Variants in TP63 observed in about 807,000 individuals in gnomAD.
TP63 encodes tumor protein p63.
In TP63, 17 loss-of-function variants were observed where a neutral mutation model predicts 82.8. The ratio of observed to expected loss-of-function variants is 0.21; its 90% CI spans 0.14 to 0.31. TP63 has a LOEUF of 0.31. Ranked by LOEUF, TP63 falls within the 10% of genes least tolerant of loss-of-function variation. The pLI is 1.00. For synonymous variants in TP63, 330 were observed against 321.7 expected (o/e 1.03, Z -0.28); for missense variants, 648 against 895.3 (o/e 0.72, Z 3.52).
At chr3:189,797,152 C>A (rs1035918383) in intron 3 of TP63, among the ~76,000 whole-genome samples, 7 of 152,016 alleles carry the variant, frequency 4.6e-5, no homozygotes, top group Non-Finnish European at 1.0e-4. Flanking sequence ...TCTTAAATGG[C>A]AAAAAGATTT....
At chr3:189,881,583 G>A (rs1325534586) in intron 10 of TP63, 1 of 910,546 alleles carries the variant, frequency 1.1e-6, no homozygotes, top group African/African-American at 1.8e-5. Context: ...AGTAGCATGT[G>A]TAGGTCTAAG....
upstream of TP63, among the ~76,000 whole-genome samples, chr3:189,630,222 G>A (rs1329429924): frequency 6.6e-6 from 1 of 152,116 alleles, no homozygotes; most frequent in Non-Finnish European, 1.5e-5. Context: ...CCTATTTACA[G>A]GTGTGTCCTG....
intron 1 of TP63, among the ~76,000 whole-genome samples, chr3:189,659,787 A>G (rs1243809137): frequency 6.6e-6 from 1 of 151,800 alleles, no homozygotes; most frequent in African/African-American, 2.4e-5. Flanking sequence ...TTTGACTTGC[A>G]TTTTCCTGAT....
chr3:189,767,671 G>T (rs1326083935), intron 3 of TP63, among the ~76,000 whole-genome samples: 1 of 152,162 alleles, frequency 6.6e-6, no homozygotes, highest in Non-Finnish European at 1.5e-5. Flanking sequence ...TTGGAAAACC[G>T]TGAGTCTCAA....
intron 1 of TP63, among the ~76,000 whole-genome samples, chr3:189,665,684 C>A (rs992421437): frequency 1.3e-5 from 2 of 152,040 alleles, no homozygotes; most frequent in African/African-American, 4.8e-5. Context: ...AAAATATATT[C>A]TTTAAAGCCA....
intron 3 of TP63, among the ~76,000 whole-genome samples, chr3:189,785,570 A>G (rs528233486): frequency 3.3e-5 from 5 of 152,212 alleles, no homozygotes; most frequent in Admixed American, 3.3e-4. Flanking sequence ...AAGTATTTGA[A>G]TATATCGGGA....
chr3:189,663,767 A>G (rs1199657952), intron 1 of TP63, among the ~76,000 whole-genome samples: 1 of 151,882 alleles, frequency 6.6e-6, no homozygotes, highest in East Asian at 1.9e-4. Flanking sequence ...ACCTCAAGTG[A>G]TCCTCCCACC....
At chr3:189,673,926 GTTA>G (rs1160190337) in intron 1 of TP63, among the ~76,000 whole-genome samples, 2 of 151,698 alleles carry the variant, frequency 1.3e-5, no homozygotes, top group South Asian at 2.1e-4. Context: ...TTTTATTATT[GTTA>G]TTATGAATAA....
At chr3:189,645,659 C>T (rs1432296326) in intron 1 of TP63, among the ~76,000 whole-genome samples, 3 of 147,726 alleles carry the variant, frequency 2.0e-5, no homozygotes, top group African/African-American at 7.6e-5. Context: ...CTCCCCACTC[C>T]CCCACCCCAC....
At chr3:189,878,522 G>A (rs1719507775) in intron 10 of TP63, among the ~76,000 whole-genome samples, 1 of 149,410 alleles carries the variant, frequency 6.7e-6, no homozygotes, top group Non-Finnish European at 1.5e-5. Flanking sequence ...CTGCGTAGCT[G>A]GGATTACAGA....
chr3:189,814,462 TATC>T (rs1362096216), intron 4 of TP63, among the ~76,000 whole-genome samples: 1 of 152,204 alleles, frequency 6.6e-6, no homozygotes, highest in Non-Finnish European at 1.5e-5. Flanking sequence ...TGTTCGTGTT[TATC>T]ATAACAAGAT....
intron 3 of TP63, among the ~76,000 whole-genome samples, chr3:189,796,714 G>A (rs1436881799): frequency 6.6e-6 from 1 of 151,998 alleles, no homozygotes; most frequent in Non-Finnish European, 1.5e-5. Flanking sequence ...CTTTTCAAAA[G>A]TCTTACTTTA....
the TP63 span, among the ~76,000 whole-genome samples, chr3:189,604,120 A>G: frequency 6.6e-6 from 1 of 152,220 alleles, no homozygotes; most frequent in African/African-American, 2.4e-5. Flanking sequence ...CGTTGAAGTC[A>G]GACAATTCTG....
chr3:189,889,600 G>T (rs1720813305), intron 12 of TP63, 116 bp downstream of exon 12: 2 of 1,412,702 alleles, frequency 1.4e-6, no homozygotes, highest in Admixed American at 3.5e-5. Context: ...TCCTGTGGTT[G>T]GAGTTCAGTC....
chr3:189,654,041 A>T (rs1343883335), intron 1 of TP63, among the ~76,000 whole-genome samples: 1 of 152,154 alleles, frequency 6.6e-6, no homozygotes, highest in African/African-American at 2.4e-5. Context: ...CTCTCTCTTC[A>T]TGCATTTATG....
At chr3:189,879,177 C>T (rs780836221) in intron 10 of TP63, among the ~76,000 whole-genome samples, 3 of 152,076 alleles carry the variant, frequency 2.0e-5, no homozygotes, top group East Asian at 1.9e-4. Context: ...CAATTCTTGC[C>T]GGTGACATGG....
intron 1 of TP63, among the ~76,000 whole-genome samples, chr3:189,638,979 C>T (rs1024820623): frequency 1.3e-5 from 2 of 152,088 alleles, no homozygotes; most frequent in African/African-American, 4.8e-5. Flanking sequence ...GATGCATGCT[C>T]CCAAAGAAAG....
In TP63 at chr3:189,793,286, G is replaced by T. The variant is rs570591160; in HGVS notation, c.325-14986G>T. ...TACCTCGATAAGGAAAACCGTGTTT[G>T]GTTTGGTTTGCTTTTTAGAAGAGCA... On this transcript the variant is annotated intron_variant, in intron 3 of 13. Coordinates refer to ENST00000264731, the MANE Select transcript of TP63 (RefSeq NM_003722.5). Among the ~76,000 whole-genome samples the T allele has an allele frequency of 3.3e-5, 5 of 152,164 alleles. No individual in the cohort carries two copies. The East Asian group carries it at 5.8e-4, about 18-fold the overall frequency.
At chr3:189,689,591 G>A (rs16864723) in intron 1 of TP63, among the ~76,000 whole-genome samples, 53,291 of 151,862 alleles carry the variant, frequency 0.35, 10,284 homozygotes, top group African/African-American at 0.53. Context: ...TTGGGAGTGT[G>A]CCAAAATTGT....
Sources: gnomAD v4.1 joint callset for allele counts (sites outside exome capture counted in the v4.1 genomes callset) on GRCh38, gnomAD v4.1.1 for gene constraint, MANE v1.5 for transcripts, NCBI Gene and HGNC (gene_info 2026-07-23, HGNC 2026-07-21) for gene names.